CETP: variants seen among roughly 807,000 people sequenced by gnomAD.
CETP encodes the protein BPI fold containing family F.
CETP carries 56 observed loss-of-function variants against 66.5 expected under a neutral mutation model. That is an observed-to-expected ratio of 0.84 (90% CI 0.68 to 1.05). The LOEUF (loss-of-function observed/expected upper bound fraction) is 1.05. CETP is among the 50% of genes least tolerant of loss of function. The pLI, the probability that CETP is intolerant of heterozygous loss-of-function variation, is 0.00. For synonymous variants in CETP, 251 were observed against 245.7 expected, an observed-to-expected ratio of 1.02 and a Z score of -0.20; for missense variants, 612 against 609.6, an observed-to-expected ratio of 1.00 and a Z score of -0.04.
At chr16:56,977,527 C>T (rs894960850) in intron 10 of CETP, among the ~76,000 whole-genome samples, 4 of 152,188 alleles carry the variant, frequency 2.6e-5, no homozygotes, top group East Asian at 1.9e-4. Context: ...CAGGTCCCCT[C>T]GTGCCACAGC....
intron 2 of CETP, among the ~76,000 whole-genome samples, chr16:56,968,179 A>AT (rs1442809613): frequency 1.1e-4 from 16 of 152,062 alleles, no homozygotes; most frequent in African/African-American, 3.6e-4. Flanking sequence ...TAGACCTGCA[A>AT]CGTTTTGTCA....
intron 7 of CETP, 92 bp downstream of exon 7, chr16:56,971,473 T>C: frequency 9.0e-7 from 1 of 1,116,382 alleles, no homozygotes; most frequent in Non-Finnish European, 1.4e-6. Context: ...CTGTCACTCT[T>C]CCTGTCTAGG....
intron 8 of CETP, among the ~76,000 whole-genome samples, chr16:56,972,735 A>T (rs983543921): frequency 1.3e-5 from 2 of 152,242 alleles, no homozygotes; most frequent in Non-Finnish European, 2.9e-5. Flanking sequence ...TTTCAGCTAA[A>T]TATTGAGACC....
At position 56,973,384 on chromosome 16, in the gene CETP, G is replaced by T. The variant is rs28381707; in HGVS notation, c.804G>T (p.Ser268=). 1,806 of 1,614,068 alleles carry T rather than the reference G, an allele frequency of 1.1e-3. 3 individuals are homozygous for T. Among genetic ancestry groups the T allele is most frequent in the Non-Finnish European group, 1.5e-3 (1,729 of 1,180,000 alleles). The part of the protein sequence containing the change: ...VSEDLPLPTF[S]PTLLGDSRML... ...AGGACCTCCCCCTCCCCACCTTCTC[G>T]CCCACACTGCTGGGGGACTCCCGCA... The change falls in exon 9 of 16, where the codon TCG becomes TCT. Residue 268 remains serine (S), a synonymous_variant. Coordinates refer to ENST00000200676, the MANE Select transcript of CETP (RefSeq NM_000078.3).
intron 10 of CETP, 133 bp from the exon 11 acceptor site, chr16:56,977,958 A>G: frequency 2.0e-6 from 2 of 1,005,800 alleles, no homozygotes; most frequent in Non-Finnish European, 2.9e-6. Flanking sequence ...GGGCCTGGGC[A>G]CTACCCCGAG....
rs1344493403 is a variant in CETP, at chr16:56,983,179, C to T, written c.1322-147C>T. 5 of 714,186 alleles carry T rather than the reference C, an allele frequency of 7.0e-6. No homozygotes were observed. In the East Asian group the frequency reaches 1.3e-4, roughly 19 times the overall value. The allele number at this position is 714,186 out of a possible 1,614,324, so 44.2% of individuals were successfully genotyped here. A position where few individuals can be genotyped will look rare whatever the true frequency, so the allele number is the denominator to read the frequency against. ...TCTTCCTCATCCTCAGAAGCACTTG[C>T]TCACTCTGCTAAATCAAAGTGAAAC... On this transcript the variant is annotated intron_variant, in intron 14 of 15. Coordinates refer to ENST00000200676, the MANE Select transcript of CETP (RefSeq NM_000078.3).
chr16:56,981,714 T>A lies in CETP; in HGVS notation c.1248+34T>A, dbSNP rs759151813. ...TCTTGGATAGACTGGGGGAAATAAG[T>A]CCTGTGGGACCTCCTGCCTTAAAGA... On this transcript the variant is annotated intron_variant, in intron 13 of 15. Coordinates refer to ENST00000200676, the MANE Select transcript of CETP (RefSeq NM_000078.3). 15 of 1,609,952 alleles carry A rather than the reference T, an allele frequency of 9.3e-6. No homozygotes were observed. The South Asian group carries it at 1.6e-4, about 18-fold the overall frequency.
intron 4 of CETP, 43 bp downstream of exon 4, chr16:56,969,724 A>G: frequency 6.2e-7 from 1 of 1,607,972 alleles, no homozygotes; most frequent in Non-Finnish European, 8.5e-7. Context: ...GCTGGACTCC[A>G]GGGCTTGGCC....
At chr16:56,966,428 C>G (rs1026595656) in intron 2 of CETP, among the ~76,000 whole-genome samples, 1 of 152,156 alleles carries the variant, frequency 6.6e-6, no homozygotes, top group Non-Finnish European at 1.5e-5. Context: ...AGCTCAAGAA[C>G]TTGAAAGGGC....
intron 11 of CETP, among the ~76,000 whole-genome samples, chr16:56,979,579 C>T (rs932773106): frequency 2.0e-5 from 3 of 151,724 alleles, no homozygotes; most frequent in Admixed American, 6.6e-5. Flanking sequence ...GGTGCAATCT[C>T]GGCTCACTGC....
chr16:56,966,769 T>C lies in CETP; in HGVS notation c.234-2617T>C, dbSNP rs1461088558. 2.3e-4 allele frequency among the ~76,000 whole-genome samples: 16 copies of C among 68,542 alleles called. No homozygotes were observed. The Admixed American group carries it at 2.7e-3, about 12-fold the overall frequency. 45.0% of individuals were successfully genotyped at this position (68,542 alleles called of 152,430 possible). On this transcript the variant is annotated intron_variant, in intron 2 of 15. Transcript: ENST00000200676. ...CATATGCCACCACTCCCGGCTAATCTTTTTTTTTTTTTTTTATGCATTTTT... is the reference window on the plus strand; with the variant it reads ...CATATGCCACCACTCCCGGCTAATCCTTTTTTTTTTTTTTTATGCATTTTT...
At chr16:56,978,296 A>T in intron 11 of CETP, 41 bp downstream of exon 11, 1 of 1,613,324 alleles carries the variant, frequency 6.2e-7, no homozygotes, top group Non-Finnish European at 8.5e-7. Flanking sequence ...GGGGAACCTG[A>T]CTCACATATG....
chr16:56,981,099 G>T, intron 11 of CETP, 59 bp from the exon 12 acceptor site: 4 of 1,254,280 alleles, frequency 3.2e-6, no homozygotes, highest in South Asian at 1.2e-5. Context: ...GAGCTAGGAG[G>T]GTTGCTCTCT....
At chr16:56,980,651 C>G (rs184189786) in intron 11 of CETP, among the ~76,000 whole-genome samples, 39 of 152,240 alleles carry the variant, frequency 2.6e-4, no homozygotes, top group African/African-American at 9.4e-4. Context: ...CGGCCGGGCA[C>G]GGTGGCTCAC....
Position 56,982,228 on chromosome 16 carries a change from G to A in CETP, c.1312G>A (p.Val438Ile). 6.2e-7 allele frequency: 1 copy of A among 1,614,122 alleles called. No homozygotes were observed. Among genetic ancestry groups the A allele is most frequent in the East Asian group, 2.2e-5 (1 of 44,886 alleles). Residue 438 changes from valine (V) to isoleucine (I), a missense_variant, in exon 14 of 16, where the codon GTC becomes ATC. Coordinates refer to ENST00000200676, the MANE Select transcript of CETP (RefSeq NM_000078.3). ...SMITAVGIPE[V>I]MSRLEVVFTA... The stretch of plus-strand genomic sequence containing the variant: ...GATCACCGCTGTGGGCATCCCTGAG[G>A]TCATGTCTCGTAAGTGTGGGCTGGA...
intron 5 of CETP, 31 bp from the exon 6 acceptor site, chr16:56,971,002 A>T (rs759428504): frequency 6.2e-7 from 1 of 1,611,530 alleles, no homozygotes; most frequent in East Asian, 2.2e-5. Context: ...AGGACTGGTC[A>T]GGGGCTCATT....
chr16:56,978,833 T>C (rs2056168658), intron 11 of CETP, among the ~76,000 whole-genome samples: 1 of 152,044 alleles, frequency 6.6e-6, no homozygotes, highest in African/African-American at 2.4e-5. Flanking sequence ...TATTTACTTA[T>C]TTATTTTTTT....
In CETP at chr16:56,983,811, A is replaced by G. The variant is rs2056205858; in HGVS notation, c.*145A>G. ...TTGGCTCCCAACTCCTCCCTATCCTAAAGGCCCACTGGCATTAAAGTGCTG... is the reference window on the plus strand; with the variant it reads ...TTGGCTCCCAACTCCTCCCTATCCTGAAGGCCCACTGGCATTAAAGTGCTG... On this transcript the variant is annotated 3_prime_UTR_variant, in exon 16 of 16. Coordinates refer to ENST00000200676, the MANE Select transcript of CETP (RefSeq NM_000078.3). 2 of 772,120 alleles carry G rather than the reference A, an allele frequency of 2.6e-6. No homozygotes were observed. The highest frequency in any genetic ancestry group is 2.3e-6 in the Non-Finnish European group (1 of 437,792). The allele number at this position is 772,120 out of a possible 1,614,324, so 47.8% of individuals were successfully genotyped here.
At chr16:56,976,270 A>G (rs193113531) in intron 10 of CETP, among the ~76,000 whole-genome samples, 1 of 152,226 alleles carries the variant, frequency 6.6e-6, no homozygotes, top group Admixed American at 6.5e-5. Context: ...CAATCTTTTC[A>G]AGAAATAAAA....
Sources: gnomAD v4.1 joint callset for allele counts (sites outside exome capture counted in the v4.1 genomes callset) on GRCh38, gnomAD v4.1.1 for gene constraint, MANE v1.5 for transcripts, NCBI Gene and HGNC (gene_info 2026-07-23, HGNC 2026-07-21) for gene names.